ZSCAN12: variants seen among roughly 807,000 people sequenced by gnomAD.
ZSCAN12 encodes zinc finger and SCAN domain-containing protein 12.
Under a neutral mutation model 23.4 loss-of-function variants are expected in ZSCAN12, and 18 were observed. The observed-to-expected ratio is 0.77, with a 90% CI of 0.53 to 1.14. The LOEUF is 1.14. ZSCAN12 is among the 50% of genes most tolerant of loss of function. The pLI is 0.00. For synonymous variants in ZSCAN12, 186 were observed against 253.4 expected, an observed-to-expected ratio of 0.73 and a Z score of 2.53; for missense variants, 650 against 735.0, an observed-to-expected ratio of 0.88 and a Z score of 1.34.
chr6:28,383,940 G>A (rs532107038), downstream of ZSCAN12, among the ~76,000 whole-genome samples: 3 of 152,286 alleles, frequency 2.0e-5, no homozygotes, highest in East Asian at 5.8e-4. Flanking sequence ...CAAAATAGCA[G>A]TTGTAAAGCA....
downstream of ZSCAN12, among the ~76,000 whole-genome samples, chr6:28,384,281 A>T (rs371135942): frequency 2.6e-5 from 4 of 152,184 alleles, no homozygotes; most frequent in East Asian, 5.8e-4. Flanking sequence ...AAGGCACTAG[A>T]TCAAAACACT....
In ZSCAN12 at chr6:28,391,341, G is replaced by A. The variant is rs1371839582; in HGVS notation, c.949C>T (p.Leu317Phe). The A allele has an allele frequency of 6.4e-7, 1 of 1,551,970 alleles. No individual in the cohort carries two copies. The highest frequency in any genetic ancestry group is 8.7e-7 in the Non-Finnish European group (1 of 1,147,132). Residue 317 changes from leucine (L) to phenylalanine (F), a missense_variant, in exon 4 of 4, where the codon CTT (leucine) becomes TTT (phenylalanine). By Grantham distance (22) the Leu-to-Phe change is conservative (BLOSUM62 0). Transcript: ENST00000684592. The surrounding 1 kb of genome is among the most constrained non-coding windows in gnomAD (Gnocchi z 4.1). ...CGKAFRGRTV[L>F]IRHKIIHTGE... ...GTGTGTATTATTTTGTGTCGAATAA[G>A]CACAGTTCTCCCACGGAAAGCTTTT...
downstream of ZSCAN12, among the ~76,000 whole-genome samples, chr6:28,383,935 T>C (rs1305363048): frequency 6.6e-6 from 1 of 152,172 alleles, no homozygotes; most frequent in Admixed American, 6.5e-5. Context: ...ACAATCAAAA[T>C]AGCAGTTGTA....
In ZSCAN12 at chr6:28,391,127, C is replaced by T; in HGVS notation, c.1163G>A (p.Cys388Tyr). The change falls in exon 4 of 4, where the codon TGC becomes TAC. Residue 388 changes from cysteine to tyrosine, a missense_variant. By Grantham distance (194) the Cys-to-Tyr change is radical. Coordinates refer to ENST00000684592, the MANE Select transcript of ZSCAN12 (RefSeq NM_001163391.2). This position sits in a 1 kb window ranked among gnomAD's most constrained non-coding sequence, Gnocchi z 4.1. ...KIHTRDKPYQCTQCNKSFSRR... is the reference protein window; with the variant it reads ...KIHTRDKPYQYTQCNKSFSRR... The stretch of plus-strand genomic sequence containing the variant: ...ACTAAAACTTTTATTACACTGAGTG[C>T]ACTGATAAGGTTTGTCTCTTGTGTG... The T allele has an allele frequency of 6.4e-7, 1 of 1,552,184 alleles. No individual in the cohort carries two copies. The highest frequency in any genetic ancestry group is 1.4e-5 in the African/African-American group (1 of 73,146).
intron 2 of ZSCAN12, among the ~76,000 whole-genome samples, chr6:28,396,770 G>C (rs1761127226): frequency 6.6e-6 from 1 of 151,748 alleles, no homozygotes; most frequent in Admixed American, 6.6e-5. Flanking sequence ...ACACCCGGCT[G>C]ACTTTTGTAT....
At chr6:28,397,103 C>T (rs2113998602) in intron 2 of ZSCAN12, among the ~76,000 whole-genome samples, 1 of 152,150 alleles carries the variant, frequency 6.6e-6, no homozygotes, top group Non-Finnish European at 1.5e-5. Flanking sequence ...TGGGGCTGTC[C>T]TGTGTGTTTT....
chr6:28,391,843 C>A lies in ZSCAN12; in HGVS notation c.548-101G>T, dbSNP rs1452715196. 9.8e-7 allele frequency: 1 copy of A among 1,017,814 alleles called. No homozygotes were observed. 63.0% of individuals were successfully genotyped at this position (1,017,814 alleles called of 1,614,324 possible). On this transcript the variant is annotated intron_variant, in intron 3 of 3. Coordinates refer to ENST00000684592, the MANE Select transcript of ZSCAN12 (RefSeq NM_001163391.2). The surrounding 1 kb of genome is among the most constrained non-coding windows in gnomAD (Gnocchi z 4.1). ...TAGAAATAAAAAATGCAAGAGTCTA[C>A]CATCTTAGTGATAAAGAGAGCAAAA...
chr6:28,391,103 C>T lies in ZSCAN12; in HGVS notation c.1187G>A (p.Ser396Asn). ...YQCTQCNKSFSRRSILTQHQG... is the reference protein window; with the variant it reads ...YQCTQCNKSFNRRSILTQHQG... ...ATGCTGAGTAAGTATGGAACGCCGA[C>T]TAAAACTTTTATTACACTGAGTGCA... Residue 396 changes from serine to asparagine, a missense_variant, in exon 4 of 4, where the codon AGT becomes AAT. Transcript: ENST00000684592. The surrounding 1 kb of genome is among the most constrained non-coding windows in gnomAD (Gnocchi z 4.1). 1 of 1,552,214 alleles carries T rather than the reference C, an allele frequency of 6.4e-7. No homozygotes were observed. The highest frequency in any genetic ancestry group is 8.7e-7 in the Non-Finnish European group (1 of 1,147,114).
chr6:28,382,618 T>C (rs1029723913), downstream of ZSCAN12: 5 of 1,550,976 alleles, frequency 3.2e-6, 1 homozygote, highest in African/African-American at 4.1e-5. Context: ...TCCTGAGGCA[T>C]AAAATAACAA....
chr6:28,393,883 G>A (rs1353047955), intron 2 of ZSCAN12, among the ~76,000 whole-genome samples: 1 of 151,988 alleles, frequency 6.6e-6, no homozygotes, highest in Non-Finnish European at 1.5e-5. Flanking sequence ...ACTTCTCTCT[G>A]GGAAGATTAT....
downstream of ZSCAN12, chr6:28,381,835 T>C (rs1760259889): frequency 6.6e-6 from 1 of 152,162 alleles, no homozygotes; most frequent in South Asian, 2.1e-4. Flanking sequence ...CTAAAGGCAA[T>C]GTGATAAAAT....
intron 2 of ZSCAN12, among the ~76,000 whole-genome samples, chr6:28,395,094 C>T (rs1761042727): frequency 6.6e-6 from 1 of 151,926 alleles, no homozygotes; most frequent in African/African-American, 2.4e-5. Context: ...GCCACCACAC[C>T]CAGCTAATTT....
At position 28,398,139 on chromosome 6, in the gene ZSCAN12, C is replaced by G. The variant is rs1302729315; in HGVS notation, c.267G>C (p.Leu89=). 3 of 1,614,002 alleles carry G rather than the reference C, an allele frequency of 1.9e-6. No homozygotes were observed. In the African/African-American group the frequency reaches 4.0e-5, roughly 22 times the overall value. The change falls in exon 2 of 4, where the codon CTG becomes CTC. Residue 89 remains leucine, a synonymous_variant. Coordinates refer to ENST00000684592, the MANE Select transcript of ZSCAN12 (RefSeq NM_001163391.2). ...THTKEQILEL[L]VLEQFLTILP... ...GGATGGTCAGGAACTGCTCCAGCAC[C>G]AGCAGCTCCAGAATCTGTTCTTTGG... is the stretch of plus-strand genomic sequence containing the variant.
chr6:28,391,369 A>G lies in ZSCAN12; in HGVS notation c.921T>C (p.Cys307=). The change falls in exon 4 of 4, where the codon TGT becomes TGC. Residue 307 remains cysteine, a synonymous_variant. Transcript: ENST00000684592. The surrounding 1 kb of genome is among the most constrained non-coding windows in gnomAD (Gnocchi z 4.1). The part of the protein sequence containing the change: ...TGDRPYKCEE[C]GKAFRGRTVL... ...CAGTTCTCCCACGGAAAGCTTTTCCACATTCTTCGCATTTGTAGGGTCTAT... is the reference window on the plus strand; with the variant it reads ...CAGTTCTCCCACGGAAAGCTTTTCCGCATTCTTCGCATTTGTAGGGTCTAT... 6.4e-7 allele frequency: 1 copy of G among 1,551,762 alleles called. No homozygotes were observed. The highest frequency in any genetic ancestry group is 1.2e-5 in the South Asian group (1 of 84,038).
At chr6:28,397,231 A>C (rs1761156760) in intron 2 of ZSCAN12, among the ~76,000 whole-genome samples, 1 of 152,196 alleles carries the variant, frequency 6.6e-6, no homozygotes, top group South Asian at 2.1e-4. Context: ...AAATGTCCCA[A>C]GACATTGCCA....
At chr6:28,392,183 CTTT>C (rs754444783) in intron 3 of ZSCAN12, among the ~76,000 whole-genome samples, 2 of 142,778 alleles carry the variant, frequency 1.4e-5, no homozygotes, top group Admixed American at 7.0e-5. Flanking sequence ...TTTTCTTTTT[CTTT>C]TTTTTTTTTT....
Position 28,386,825 on chromosome 6 carries a change from T to C in ZSCAN12, c.*3629A>G, listed in dbSNP as rs907812351. ...AGAACAAAACCCCCACGTGTATTTTTATTTTTATTTTAATTTTTGTTGAGA... is the reference window on the plus strand; with the variant it reads ...AGAACAAAACCCCCACGTGTATTTTCATTTTTATTTTAATTTTTGTTGAGA... On this transcript the variant is annotated 3_prime_UTR_variant, in exon 4 of 4. Coordinates refer to ENST00000684592, the MANE Select transcript of ZSCAN12 (RefSeq NM_001163391.2). 5.3e-5 allele frequency among the ~76,000 whole-genome samples: 8 copies of C among 152,154 alleles called. No homozygotes were observed. The highest frequency in any genetic ancestry group is 1.9e-4 in the African/African-American group (8 of 41,424).
At chr6:28,382,462 G>T (rs2232440), downstream of ZSCAN12, 19,426 of 1,546,442 alleles carry the variant, frequency 0.013, 356 homozygotes, top group African/African-American at 0.076. Context: ...TCTAGGCACA[G>T]CCTTCTTCCT....
intron 1 of ZSCAN12, among the ~76,000 whole-genome samples, chr6:28,398,761 C>CA (rs775480746): frequency 0.048 from 3,495 of 72,780 alleles, 46 homozygotes; most frequent in African/African-American, 0.069. Context: ...ACTAAAAATA[C>CA]AAAAAAAAAA....
Sources: gnomAD v4.1 joint callset for allele counts (sites outside exome capture counted in the v4.1 genomes callset) on GRCh38, gnomAD v4.1.1 for gene constraint, Gnocchi (gnomAD v3.1) non-coding constraint, MANE v1.5 for transcripts, NCBI Gene and HGNC (gene_info 2026-07-23, HGNC 2026-07-21) for gene names.